The following KAZN variants were observed in gnomAD, a reference collection of about 807,000 sequenced individuals.
KAZN encodes kazrin.
A neutral mutation model predicts 87.4 loss-of-function variants in KAZN; 40 were observed. The observed-to-expected ratio is 0.46, with a 90% CI of 0.36 to 0.60. The LOEUF (loss-of-function observed/expected upper bound fraction) is 0.60, where lower values mean the gene tolerates loss of function less well. KAZN is among the 20% of genes least tolerant of loss of function. The pLI is 0.00. For synonymous variants in KAZN, 466 were observed against 458.3 expected (o/e 1.02, Z -0.22); for missense variants, 898 against 1,073.9 (o/e 0.84, Z 2.29).
chr1:14,980,253 G>C (rs547316758), intron 2 of KAZN, among the ~76,000 whole-genome samples: 2 of 152,184 alleles, frequency 1.3e-5, no homozygotes, highest in Non-Finnish European at 2.9e-5. Flanking sequence ...TAGAGTGGCC[G>C]TATCATTTGT....
chr1:14,557,552 G>A (rs72862098), intron 2 of KAZN, among the ~76,000 whole-genome samples: 59 of 151,712 alleles, frequency 3.9e-4, no homozygotes, highest in African/African-American at 1.4e-3. Flanking sequence ...AAATATAAAA[G>A]TTAGTCGTCA....
chr1:13,973,471 T>C (rs764216600), intron 1 of KAZN, among the ~76,000 whole-genome samples: 7 of 152,216 alleles, frequency 4.6e-5, no homozygotes, highest in East Asian at 1.9e-4. Flanking sequence ...CCTGGCTTGC[T>C]TCTCACCAGG....
intron 1 of KAZN, among the ~76,000 whole-genome samples, chr1:14,873,073 T>C (rs896906290): frequency 4.8e-5 from 7 of 145,122 alleles, no homozygotes; most frequent in African/African-American, 1.9e-4. Flanking sequence ...GATGGGTGGA[T>C]GGATGGATGG....
chr1:14,811,020 C>T (rs1206958318), intron 1 of KAZN, among the ~76,000 whole-genome samples: 1 of 152,144 alleles, frequency 6.6e-6, no homozygotes, highest in Non-Finnish European at 1.5e-5. Flanking sequence ...TTGGTGGCCT[C>T]CAAAATGTTT....
intron 2 of KAZN, among the ~76,000 whole-genome samples, chr1:14,972,757 C>T (rs958194991): frequency 4.6e-5 from 7 of 152,056 alleles, no homozygotes; most frequent in South Asian, 2.1e-4. Context: ...TCAAGTGATT[C>T]GCCCACTGTG....
At chr1:14,135,998 A>G (rs1305380951) in intron 1 of KAZN, among the ~76,000 whole-genome samples, 1 of 152,176 alleles carries the variant, frequency 6.6e-6, no homozygotes, top group Non-Finnish European at 1.5e-5. Context: ...AATAATTGGC[A>G]TTCTTGTTAC....
At chr1:14,806,441 C>G (rs1327510782) in intron 1 of KAZN, among the ~76,000 whole-genome samples, 2 of 152,156 alleles carry the variant, frequency 1.3e-5, no homozygotes, top group African/African-American at 4.8e-5. Flanking sequence ...ATGCTTGAAG[C>G]CAATCATCCC....
intron 1 of KAZN, among the ~76,000 whole-genome samples, chr1:14,629,685 A>G (rs1485163092): frequency 1.3e-5 from 2 of 152,098 alleles, no homozygotes; most frequent in East Asian, 1.9e-4. Flanking sequence ...AATCTTTGGG[A>G]AAAAAGTACT....
intron 1 of KAZN, among the ~76,000 whole-genome samples, chr1:14,654,787 G>T (rs1638682681): frequency 6.6e-6 from 1 of 152,176 alleles, no homozygotes; most frequent in African/African-American, 2.4e-5. Flanking sequence ...CACACCTCCA[G>T]CCCACCTGTT....
chr1:14,596,308 GCACACACACACACACA>G (rs56758780), upstream of KAZN, among the ~76,000 whole-genome samples: 1 of 150,190 alleles, frequency 6.7e-6, no homozygotes, highest in African/African-American at 2.4e-5. Context: ...ACACGTGTGC[GCACACACACACACACA>G]CACACACACA....
At chr1:14,064,227 C>T (rs563354736) in intron 1 of KAZN, among the ~76,000 whole-genome samples, 1 of 152,304 alleles carries the variant, frequency 6.6e-6, no homozygotes, top group South Asian at 2.1e-4. Flanking sequence ...CTTGTGTTTA[C>T]ATTGCCAGAA....
intron 1 of KAZN, among the ~76,000 whole-genome samples, chr1:14,827,367 G>A (rs1349885561): frequency 1.3e-5 from 2 of 152,190 alleles, no homozygotes; most frequent in African/African-American, 2.4e-5. Flanking sequence ...CCCGAGCAGT[G>A]TACACTGAAC....
intron 1 of KAZN, among the ~76,000 whole-genome samples, chr1:14,615,195 C>T (rs1039405789): frequency 1.1e-4 from 17 of 152,266 alleles, no homozygotes; most frequent in Admixed American, 8.5e-4. Context: ...CTGTGATGAG[C>T]GCCCAGGATA....
At chr1:14,903,344 C>T (rs935612559) in intron 1 of KAZN, among the ~76,000 whole-genome samples, 4 of 152,204 alleles carry the variant, frequency 2.6e-5, no homozygotes, top group Non-Finnish European at 5.9e-5. Flanking sequence ...TCCCTGGGGC[C>T]GGTCAAGCCT....
At chr1:14,861,096 A>G (rs1650792199) in intron 1 of KAZN, among the ~76,000 whole-genome samples, 1 of 152,160 alleles carries the variant, frequency 6.6e-6, no homozygotes, top group South Asian at 2.1e-4. Flanking sequence ...GTAATAGCAA[A>G]GCCGGGTGCA....
At chr1:14,008,391 G>GA (rs1640130881) in intron 1 of KAZN, among the ~76,000 whole-genome samples, 1 of 152,204 alleles carries the variant, frequency 6.6e-6, no homozygotes, top group Admixed American at 6.5e-5. Flanking sequence ...CCTACCTGAT[G>GA]AAAAAAATCT....
intron 2 of KAZN, among the ~76,000 whole-genome samples, chr1:14,419,977 C>G (rs1173677769): frequency 3.3e-5 from 5 of 152,176 alleles, no homozygotes; most frequent in Non-Finnish European, 4.4e-5. Context: ...GATTGCCACT[C>G]CCGGCTCCGG....
chr1:14,950,059 T>C (rs1314283607), intron 1 of KAZN, among the ~76,000 whole-genome samples: 1 of 152,058 alleles, frequency 6.6e-6, no homozygotes, highest in Non-Finnish European at 1.5e-5. Context: ...ACAAAGGCTG[T>C]ATTACCTGAG....
intron 1 of KAZN, among the ~76,000 whole-genome samples, chr1:14,723,491 C>A (rs114398196): frequency 0.04 from 6,048 of 152,262 alleles, 407 homozygotes; most frequent in African/African-American, 0.14. Flanking sequence ...ATGAGTTTAA[C>A]ACGAGGGAGC....
Sources: allele counts gnomAD v4.1 joint callset (sites outside exome capture counted in the v4.1 genomes callset), GRCh38; gene constraint gnomAD v4.1.1; transcripts MANE v1.5; gene names NCBI Gene and HGNC (gene_info 2026-07-23, HGNC 2026-07-21).